CHRM5: variants seen among roughly 807,000 people sequenced by gnomAD.
The protein encoded by CHRM5 is cholinergic receptor muscarinic 5, also known as muscarinic acetylcholine receptor M5.
CHRM5 carries 18 observed loss-of-function variants against 39.0 expected under a neutral mutation model. The ratio of observed to expected loss-of-function variants is 0.46; its 90% CI spans 0.32 to 0.68. The LOEUF is 0.68. Among genes scored for constraint, CHRM5 ranks in the 30% least tolerant of loss-of-function variants. The pLI is 0.04. For synonymous variants in CHRM5, 241 were observed against 246.3 expected (o/e 0.98, Z 0.20); for missense variants, 515 against 651.1 (o/e 0.79, Z 2.28).
At chr15:34,005,637 C>G in intron 1 of CHRM5, among the ~76,000 whole-genome samples, 1 of 152,114 alleles carries the variant, frequency 6.6e-6, no homozygotes, top group East Asian at 1.9e-4. Context: ...ATCCACTCAC[C>G]CACTGTACAG....
chr15:34,015,039 T>C (rs926336838), intron 1 of CHRM5, among the ~76,000 whole-genome samples: 17 of 152,104 alleles, frequency 1.1e-4, no homozygotes, highest in Non-Finnish European at 2.2e-4. Context: ...TCCTGAAGCC[T>C]GAAAAGCTGT....
intron 1 of CHRM5, among the ~76,000 whole-genome samples, chr15:34,036,404 G>C (rs1193392656): frequency 6.6e-6 from 1 of 152,146 alleles, no homozygotes; most frequent in Non-Finnish European, 1.5e-5. Flanking sequence ...TGGACAACTG[G>C]TCTTTACATG....
chr15:34,005,911 A>G (rs1403045169), intron 1 of CHRM5, among the ~76,000 whole-genome samples: 1 of 152,220 alleles, frequency 6.6e-6, no homozygotes, highest in Non-Finnish European at 1.5e-5. Context: ...AGACTGCCTG[A>G]AAACTAGAGC....
intron 1 of CHRM5, among the ~76,000 whole-genome samples, chr15:34,008,949 C>T (rs112524610): frequency 0.016 from 338 of 21,124 alleles, 1 homozygote; most frequent in Non-Finnish European, 0.098. Context: ...CACACGTGCG[C>T]GCGCGCACAC....
intron 1 of CHRM5, among the ~76,000 whole-genome samples, chr15:34,040,394 G>T (rs1461172389): frequency 1.3e-5 from 2 of 152,172 alleles, no homozygotes; most frequent in African/African-American, 4.8e-5. Flanking sequence ...GAGTTTGCCT[G>T]GTTGGTAAAT....
intron 2 of CHRM5, among the ~76,000 whole-genome samples, chr15:34,052,086 CA>C (rs1899942681): frequency 6.6e-6 from 1 of 152,074 alleles, no homozygotes; most frequent in African/African-American, 2.4e-5. Flanking sequence ...AACACTGATG[CA>C]AAAATCCTCA....
intron 1 of CHRM5, among the ~76,000 whole-genome samples, chr15:34,044,007 C>G: frequency 6.6e-6 from 1 of 151,850 alleles, no homozygotes; most frequent in Non-Finnish European, 1.5e-5. Flanking sequence ...CAAATGCTCC[C>G]ACTCTCCCCT....
chr15:33,983,726 A>G (rs1358138569), intron 1 of CHRM5, among the ~76,000 whole-genome samples: 2 of 152,140 alleles, frequency 1.3e-5, no homozygotes, highest in African/African-American at 4.8e-5. Context: ...AGTGAACAAT[A>G]AATGGAAAGG....
intron 1 of CHRM5, among the ~76,000 whole-genome samples, chr15:34,028,071 A>G (rs1437563760): frequency 6.6e-6 from 1 of 152,200 alleles, no homozygotes; most frequent in East Asian, 1.9e-4. Context: ...CAGAGCACTG[A>G]AAGCATAAGC....
At position 34,009,821 on chromosome 15, in the gene CHRM5, C is replaced by T. The variant is rs953057302; in HGVS notation, c.-407-36719C>T. Reference sequence around the variant, plus strand: ...CTGAGCAACATAGAGAGCATTGCTACAAAAATAAAAATAAAAAATTAGCTG... The same window carrying T: ...CTGAGCAACATAGAGAGCATTGCTATAAAAATAAAAATAAAAAATTAGCTG... On this transcript the variant is annotated intron_variant, in intron 1 of 2. Transcript: ENST00000383263. 8.6e-5 allele frequency among the ~76,000 whole-genome samples: 13 copies of T among 151,882 alleles called. No homozygotes were observed. In the East Asian group the frequency reaches 1.5e-3, roughly 18 times the overall value.
intron 1 of CHRM5, among the ~76,000 whole-genome samples, chr15:33,970,241 T>A (rs2140492873): frequency 6.6e-6 from 1 of 152,044 alleles, no homozygotes; most frequent in South Asian, 2.1e-4. Flanking sequence ...TTTCCTTTTT[T>A]CAAATTTTAG....
At chr15:34,029,742 A>G (rs1046730727) in intron 1 of CHRM5, among the ~76,000 whole-genome samples, 1 of 152,168 alleles carries the variant, frequency 6.6e-6, no homozygotes, top group Non-Finnish European at 1.5e-5. Flanking sequence ...AAAAATCATA[A>G]CTTCCTTGGA....
Position 34,065,659 on chromosome 15 carries a change from T to C in CHRM5, c.*1343T>C, listed in dbSNP as rs922986412. 3.3e-5 allele frequency: 5 copies of C among 152,090 alleles called. No homozygotes were observed. The highest frequency in any genetic ancestry group is 7.4e-5 in the Non-Finnish European group (5 of 68,006). 9.4% of individuals were successfully genotyped at this position (152,090 alleles called of 1,614,324 possible). On this transcript the variant is annotated 3_prime_UTR_variant, in exon 3 of 3. Transcript: ENST00000383263. ...ATAGTAATACATAAAAATAAAACAG[T>C]TGACATGCATGACAGCATGAGGATT...
intron 1 of CHRM5, among the ~76,000 whole-genome samples, chr15:34,042,712 A>G (rs1899523080): frequency 1.3e-5 from 2 of 151,964 alleles, no homozygotes; most frequent in Admixed American, 1.3e-4. Flanking sequence ...AACCTAAGTT[A>G]TTTTTTAAAT....
At position 34,018,662 on chromosome 15, in the gene CHRM5, A is replaced by AC. The variant is rs1426954878; in HGVS notation, c.-407-27878_-407-27877insC. On this transcript the variant is annotated intron_variant, in intron 1 of 2. Coordinates refer to ENST00000383263, the MANE Select transcript of CHRM5 (RefSeq NM_012125.4). ...AGTGAAAGAACAAAGCTTCCACAGA[A>AC]TGGAAAGGGACTCCAGTGGGTTGCT... Among the ~76,000 whole-genome samples the AC allele has an allele frequency of 3.3e-5, 5 of 152,298 alleles. No homozygotes were observed. The East Asian group carries it at 9.6e-4, about 29-fold the overall frequency.
intron 2 of CHRM5, among the ~76,000 whole-genome samples, chr15:34,061,918 T>G (rs986131268): frequency 6.6e-6 from 1 of 152,200 alleles, no homozygotes; most frequent in Non-Finnish European, 1.5e-5. Flanking sequence ...TACCACTTTT[T>G]CCCCAGTGCA....
At chr15:34,038,910 T>G (rs562954080) in intron 1 of CHRM5, 1 of 1,106,736 alleles carries the variant, frequency 9.0e-7, no homozygotes, top group African/African-American at 1.9e-5. Context: ...TCCGCCTCCG[T>G]CCCCGCCGCC....
At chr15:33,970,984 C>G (rs961019338) in intron 1 of CHRM5, among the ~76,000 whole-genome samples, 4 of 151,876 alleles carry the variant, frequency 2.6e-5, no homozygotes, top group Non-Finnish European at 5.9e-5. Context: ...ATAACCCATT[C>G]AGAAAAGTGA....
At chr15:33,999,791 C>A (rs548902751) in intron 1 of CHRM5, among the ~76,000 whole-genome samples, 1 of 152,114 alleles carries the variant, frequency 6.6e-6, no homozygotes, top group Non-Finnish European at 1.5e-5. Flanking sequence ...CTAGTCTACC[C>A]GCTCCCCTCT....
Sources: gnomAD v4.1 joint callset for allele counts (sites outside exome capture counted in the v4.1 genomes callset) on GRCh38, gnomAD v4.1.1 for gene constraint, MANE v1.5 for transcripts, NCBI Gene and HGNC (gene_info 2026-07-23, HGNC 2026-07-21) for gene names.